MRO: variants seen among roughly 807,000 people sequenced by gnomAD.
The protein encoded by MRO is maestro.
MRO carries 28 observed loss-of-function variants against 31.0 expected under a neutral mutation model. The ratio of observed to expected loss-of-function variants is 0.90; its 90% CI spans 0.67 to 1.24. The LOEUF (loss-of-function observed/expected upper bound fraction) is 1.24. MRO is among the 50% of genes most tolerant of loss of function. The pLI is 0.00. For missense variants in MRO, 332 were observed against 289.2 expected (o/e 1.15, Z -1.07); for synonymous variants, 108 against 108.4 (o/e 1.00, Z 0.02).
upstream of MRO, chr18:50,824,076 A>C (rs1431463730): frequency 6.6e-6 from 1 of 152,282 alleles, no homozygotes. Context: ...CACAAGAAAA[A>C]GGTATCCCAC....
At chr18:50,813,778 G>A (rs999570187) in intron 2 of MRO, among the ~76,000 whole-genome samples, 6 of 152,194 alleles carry the variant, frequency 3.9e-5, no homozygotes, top group African/African-American at 1.4e-4. Context: ...TTATAAGTGG[G>A]AGCTAAATGT....
intron 2 of MRO, among the ~76,000 whole-genome samples, chr18:50,812,250 A>C (rs2144646251): frequency 6.6e-6 from 1 of 152,240 alleles, no homozygotes; most frequent in Middle Eastern, 3.4e-3. Context: ...TTTTATTTGC[A>C]TTCCCCTAAT....
At chr18:50,807,604 GCACT>G (rs1914072499) in intron 3 of MRO, among the ~76,000 whole-genome samples, 2 of 151,920 alleles carry the variant, frequency 1.3e-5, no homozygotes, top group African/African-American at 2.4e-5. Context: ...AAACATTTCA[GCACT>G]GATCTAGTAC....
intron 2 of MRO, chr18:50,815,589 T>C: frequency 3.4e-6 from 1 of 297,402 alleles, no homozygotes; most frequent in East Asian, 8.8e-5. Context: ...ATGGTGGTGG[T>C]GGAAACTATA....
rs1229748150 is a variant in MRO at position 50,820,003 on chromosome 18, C to T, written c.-233G>A. ...GTCGACACTTTCTGCAGAAATTCTG[C>T]AGATGGCAATTCTGGGGACCTTTCC... On this transcript the variant is annotated 5_prime_UTR_variant, in exon 1 of 8. Coordinates refer to ENST00000398439, the MANE Select transcript of MRO (RefSeq NM_031939.6). 18 of 1,526,518 alleles carry T rather than the reference C, an allele frequency of 1.2e-5. No individual in the cohort carries two copies. Among genetic ancestry groups the T allele is most frequent in the Admixed American group, 2.0e-5 (1 of 50,952 alleles). The allele number at this position is 1,526,518 out of a possible 1,614,324, so 94.6% of individuals were successfully genotyped here.
chr18:50,815,752 G>A (rs554277716), intron 2 of MRO: 2 of 430,316 alleles, frequency 4.6e-6, no homozygotes, highest in East Asian at 1.3e-4. Context: ...CAGAAAAGAA[G>A]GCTGGGCACG....
intron 2 of MRO, chr18:50,814,576 G>A: frequency 4.7e-6 from 1 of 210,738 alleles, no homozygotes; most frequent in South Asian, 8.9e-5. Context: ...CGCTCATGCA[G>A]CAAAGTGTGC....
chr18:50,803,976 C>A (rs1913666232), intron 5 of MRO, among the ~76,000 whole-genome samples: 1 of 152,230 alleles, frequency 6.6e-6, no homozygotes, highest in African/African-American at 2.4e-5. Flanking sequence ...GAACGATGTG[C>A]CGGTGCACTT....
chr18:50,808,471 T>A (rs77192051), intron 3 of MRO, among the ~76,000 whole-genome samples: 1 of 150,694 alleles, frequency 6.6e-6, no homozygotes, highest in Non-Finnish European at 1.5e-5. Context: ...TTTTTTTTTT[T>A]AATTTAAGAC....
rs148271886 is a variant in MRO at position 50,801,407 on chromosome 18, T to C, written c.527A>G (p.Lys176Arg). The stretch of plus-strand genomic sequence containing the variant: ...GATCAGGAGGGAATCTCGTGTCTGC[T>C]TAACCTGACTGGTGAAAAATTTTTT... ...KWKKFFTSQV[K>R]QTRDSLLIHL... Residue 176 changes from lysine (K) to arginine (R), a missense_variant, in exon 6 of 8, where the codon AAG (lysine) becomes AGG (arginine). Coordinates refer to ENST00000398439, the MANE Select transcript of MRO (RefSeq NM_031939.6). The C allele has an allele frequency of 4.3e-6, 7 of 1,611,592 alleles. No homozygotes were observed. Among genetic ancestry groups the C allele is most frequent in the Admixed American group, 3.3e-5 (2 of 59,874 alleles).
At chr18:50,805,087 G>T (rs12458286) in intron 5 of MRO, 67 bp downstream of exon 5, 2 of 1,386,928 alleles carry the variant, frequency 1.4e-6, no homozygotes, top group African/African-American at 1.4e-5. Flanking sequence ...CACCGCACCC[G>T]GCCCCACAGT....
In MRO at chr18:50,799,934, A is replaced by C. The variant is rs529656913; in HGVS notation, c.693+102T>G. 1.2e-5 allele frequency: 10 copies of C among 808,036 alleles called. No homozygotes were observed. In the African/African-American group the frequency reaches 1.6e-4, roughly 13 times the overall value. The allele number at this position is 808,036 out of a possible 1,614,324, so 50.1% of individuals were successfully genotyped here. A position where few individuals can be genotyped will look rare whatever the true frequency, so the allele number is the denominator to read the frequency against. ...AAAATAAACATAGTTGGCCTGAGTC[A>C]TTTTAAGGGGGTAACTCTTTCTTGT... On this transcript the variant is annotated intron_variant, in intron 7 of 7. Transcript: ENST00000398439.
At chr18:50,800,776 C>T (rs1373503517) in intron 6 of MRO, among the ~76,000 whole-genome samples, 2 of 151,518 alleles carry the variant, frequency 1.3e-5, no homozygotes, top group Non-Finnish European at 1.5e-5. Context: ...ATCCCAGCTA[C>T]TCAGGAGGTT....
chr18:50,819,978 GT>G lies in MRO; in HGVS notation c.-209del. On this transcript the variant is annotated 5_prime_UTR_variant, in exon 1 of 8. Transcript: ENST00000398439. ...CTCCTTCTTCCCTCATGCCAGCCTG[GT>G]CGACACTTTCTGCAGAAATTCTGCA... 2 of 1,550,652 alleles carry G rather than the reference GT, an allele frequency of 1.3e-6. No homozygotes were observed. The highest frequency in any genetic ancestry group is 4.9e-5 in the East Asian group (2 of 40,904).
chr18:50,809,439 C>T, intron 2 of MRO, 35 bp from the exon 3 acceptor site: 1 of 1,389,470 alleles, frequency 7.2e-7, no homozygotes, highest in Non-Finnish European at 1.0e-6. Flanking sequence ...ACATGCGCCA[C>T]AGACACTCAT....
Position 50,796,542 on chromosome 18 carries a change from A to C in MRO, c.*2795T>G, listed in dbSNP as rs1912808452. The C allele has an allele frequency of 6.6e-6, 1 of 152,150 alleles. No individual in the cohort carries two copies. The highest frequency in any genetic ancestry group is 6.6e-5 in the Admixed American group (1 of 15,256). The allele number at this position is 152,150 out of a possible 1,614,324, so 9.4% of individuals were successfully genotyped here. Reference sequence around the variant, plus strand: ...ATCAGGACTTTGACCTAGGCATTGGAGTACAGATAAGAGATACACGTGAAA... The same window carrying C: ...ATCAGGACTTTGACCTAGGCATTGGCGTACAGATAAGAGATACACGTGAAA... On this transcript the variant is annotated 3_prime_UTR_variant, in exon 8 of 8. Transcript: ENST00000398439.
rs377484986 is a variant in MRO at position 50,808,994 on chromosome 18, C to T, written c.99+308G>A. Among the ~76,000 whole-genome samples the T allele has an allele frequency of 3.3e-5, 5 of 150,906 alleles. No individual in the cohort carries two copies. The East Asian group carries it at 1.0e-3, about 30-fold the overall frequency. On this transcript the variant is annotated intron_variant, in intron 3 of 7. Transcript: ENST00000398439. ...CTACTAAAAATACAAAAAAATTAGC[C>T]GGGCGTAGTGGCGGGCGCCTGTAGT...
chr18:50,800,038 G>C lies in MRO; in HGVS notation c.691C>G (p.Leu231Val), dbSNP rs200443383. 18 of 1,610,216 alleles carry C rather than the reference G, an allele frequency of 1.1e-5. No individual in the cohort carries two copies. The East Asian group carries it at 3.6e-4, about 32-fold the overall frequency. ...DQRNTKLYQQ[L>V]SHYHPEILQF... ...CTCTCCTACCCTGGCTCACTCACCA[G>C]CTGCTGGTAGAGCTTAGTGTTCCTT... is the stretch of plus-strand genomic sequence containing the variant. The change falls in exon 7 of 8, where the codon CTG becomes GTG. Residue 231 changes from leucine to valine, a missense_variant and splice_region_variant. Physicochemically the swap from Leu to Val is conservative, Grantham distance 32. Transcript: ENST00000398439.
intron 7 of MRO, among the ~76,000 whole-genome samples, chr18:50,799,750 A>C (rs1913109597): frequency 6.6e-6 from 1 of 152,148 alleles, no homozygotes; most frequent in South Asian, 2.1e-4. Flanking sequence ...ATCTCTACTA[A>C]AAATACAAAA....
Sources: gnomAD v4.1 joint callset for allele counts (sites outside exome capture counted in the v4.1 genomes callset) on GRCh38, gnomAD v4.1.1 for gene constraint, MANE v1.5 for transcripts, NCBI Gene and HGNC (gene_info 2026-07-23, HGNC 2026-07-21) for gene names.